PEDS1: variants seen among roughly 807,000 people sequenced by gnomAD.
PEDS1 encodes the protein CarF homolog.
In PEDS1, 14 loss-of-function variants were observed where a neutral mutation model predicts 35.2. The observed-to-expected ratio is 0.40, with a 90% confidence interval of 0.26 to 0.62. The LOEUF is 0.62. Among genes scored for constraint, PEDS1 ranks in the 20% least tolerant of loss-of-function variants. The pLI is 0.44. For synonymous variants in PEDS1, 152 were observed against 152.0 expected (o/e 1.00, Z 0.00); for missense variants, 260 against 367.8 (o/e 0.71, Z 2.40).
chr20:50,151,297 C>T (rs2081400177), intron 1 of PEDS1: 1 of 1,304,132 alleles, frequency 7.7e-7, no homozygotes, highest in Admixed American at 2.3e-5. Context: ...CATGGCTGTT[C>T]TTCAGAGAGT....
chr20:50,143,458 C>T (rs1431273581), intron 2 of PEDS1, 44 bp downstream of exon 2: 13 of 1,576,146 alleles, frequency 8.2e-6, no homozygotes, highest in Middle Eastern at 1.7e-4. Flanking sequence ...GGGTCCCTGG[C>T]CCCTAGGGAA....
chr20:50,124,798 C>T lies in PEDS1; in HGVS notation c.*260G>A. ...GGGAGTGGGTAAACCTCCTCTCTAC[C>T]AGGGGAGGCTGGCAGAGTCAGGCTT... On this transcript the variant is annotated 3_prime_UTR_variant, in exon 6 of 6. Transcript: ENST00000371652. 1 of 403,200 alleles carries T rather than the reference C, an allele frequency of 2.5e-6. No homozygotes were observed. Among genetic ancestry groups the T allele is most frequent in the Admixed American group, 3.7e-5 (1 of 27,162 alleles). 25.0% of individuals were successfully genotyped at this position (403,200 alleles called of 1,614,324 possible).
In PEDS1 at chr20:50,143,429, C is replaced by T. The variant is rs567194987; in HGVS notation, c.241+73G>A. On this transcript the variant is annotated intron_variant, in intron 2 of 5. Coordinates refer to ENST00000371652, the MANE Select transcript of PEDS1 (RefSeq NM_199129.4). ...ACACATCCATGCATGTGGACACACA[C>T]ACGCGCCAGTTACCCGGTGGGTCCC... The T allele has an allele frequency of 5.8e-6, 9 of 1,549,192 alleles. No individual in the cohort carries two copies. In the East Asian group the frequency reaches 1.7e-4, roughly 29 times the overall value.
At position 50,143,523 on chromosome 20, in the gene PEDS1, G is replaced by A. The variant is rs762131500; in HGVS notation, c.220C>T (p.Pro74Ser). 4 of 1,610,730 alleles carry A rather than the reference G, an allele frequency of 2.5e-6. No individual in the cohort carries two copies. The highest frequency in any genetic ancestry group is 1.6e-4 in the Middle Eastern group (1 of 6,080). ...TCACCAACACCGAGTATGACGAGGG[G>A]TGTGTCCTCCCAGCGGGCCAGCAGC... ...LLLLARWEDT[P>S]LVILGVVAGA... Residue 74 changes from proline to serine, a missense_variant, in exon 2 of 6, where the codon CCC becomes TCC. Around this residue, in one of 4 missense-constraint regions of PEDS1, gnomAD observed 114 missense variants for 121.6 expected, o/e 0.94. Coordinates refer to ENST00000371652, the MANE Select transcript of PEDS1 (RefSeq NM_199129.4).
chr20:50,125,879 CT>C (rs1236493769), intron 5 of PEDS1, among the ~76,000 whole-genome samples: 7 of 152,200 alleles, frequency 4.6e-5, no homozygotes. Flanking sequence ...GCATGAACCA[CT>C]GAGCCTGGCT....
intron 5 of PEDS1, among the ~76,000 whole-genome samples, chr20:50,125,914 G>C (rs2081098325): frequency 6.6e-6 from 1 of 152,048 alleles, no homozygotes; most frequent in South Asian, 2.1e-4. Flanking sequence ...TTTTAATGCA[G>C]ATGGGGTCTT....
At chr20:50,152,822 A>C (rs2147314092) in intron 1 of PEDS1, among the ~76,000 whole-genome samples, 1 of 151,716 alleles carries the variant, frequency 6.6e-6, no homozygotes, top group East Asian at 2.0e-4. Flanking sequence ...CCTGGGATCC[A>C]GGAATATGGG....
rs371332777 is a variant in PEDS1 at position 50,138,903 on chromosome 20, G to A, written c.241+4599C>T. Reference sequence around the variant, plus strand: ...ACCCTGACTCACGGGGGAACTTGAGGTAGTCGCTGGGCCCGTGCGGGCTTC... The same window carrying A: ...ACCCTGACTCACGGGGGAACTTGAGATAGTCGCTGGGCCCGTGCGGGCTTC... On this transcript the variant is annotated intron_variant, in intron 2 of 5. Coordinates refer to ENST00000371652, the MANE Select transcript of PEDS1 (RefSeq NM_199129.4). 5.9e-4 allele frequency among the ~76,000 whole-genome samples: 90 copies of A among 152,318 alleles called. 3 individuals are homozygous for A. In the South Asian group the frequency reaches 0.014, roughly 25 times the overall value.
chr20:50,152,339 C>G (rs995408955), intron 1 of PEDS1, among the ~76,000 whole-genome samples: 2 of 152,182 alleles, frequency 1.3e-5, no homozygotes, highest in Non-Finnish European at 2.9e-5. Context: ...CAGGCAAGGG[C>G]TGCATGTGGT....
chr20:50,151,713 G>C (rs751709106), intron 1 of PEDS1, among the ~76,000 whole-genome samples: 1 of 152,112 alleles, frequency 6.6e-6, no homozygotes, highest in Non-Finnish European at 1.5e-5. Flanking sequence ...CAGAAAATTA[G>C]CCGGGCATGG....
At chr20:50,153,147 G>C (rs553659053) in intron 1 of PEDS1, among the ~76,000 whole-genome samples, 3 of 151,864 alleles carry the variant, frequency 2.0e-5, no homozygotes, top group Non-Finnish European at 4.4e-5. Context: ...GGCAGCTTTG[G>C]GCTTGGACCG....
At chr20:50,145,656 AC>A (rs1427095756) in intron 1 of PEDS1, among the ~76,000 whole-genome samples, 3 of 151,910 alleles carry the variant, frequency 2.0e-5, no homozygotes, top group African/African-American at 7.3e-5. Context: ...ACGCCATTGC[AC>A]TCCAGCCTGG....
intron 1 of PEDS1, chr20:50,151,330 A>T (rs2038480627): frequency 7.7e-7 from 1 of 1,293,346 alleles, no homozygotes; most frequent in Non-Finnish European, 1.0e-6. Flanking sequence ...GGGAAACCAG[A>T]AATGGACAAA....
At chr20:50,127,862 C>T in intron 5 of PEDS1, 113 bp downstream of exon 5, 1 of 1,417,376 alleles carries the variant, frequency 7.1e-7, no homozygotes, top group Non-Finnish European at 9.6e-7. Flanking sequence ...AGAGACTGTT[C>T]CCAGAGGGCA....
chr20:50,125,016 G>C lies in PEDS1; in HGVS notation c.*42C>G, dbSNP rs2081084518. ...AATTTGGCAGATGGCTTCGGTTTGG[G>C]GGCTAGGGAAGGTTGGCAACCAGGT... On this transcript the variant is annotated 3_prime_UTR_variant, in exon 6 of 6. Transcript: ENST00000371652. 6.2e-7 allele frequency: 1 copy of C among 1,607,202 alleles called. No individual in the cohort carries two copies. Among genetic ancestry groups the C allele is most frequent in the African/African-American group, 1.3e-5 (1 of 74,846 alleles).
chr20:50,152,565 G>A (rs939741071), intron 1 of PEDS1, among the ~76,000 whole-genome samples: 7 of 152,136 alleles, frequency 4.6e-5, no homozygotes, highest in African/African-American at 1.4e-4. Context: ...GGGTGTAGGG[G>A]GGGTGCTTGC....
At chr20:50,150,050 G>A (rs904370725) in intron 1 of PEDS1, among the ~76,000 whole-genome samples, 6 of 152,194 alleles carry the variant, frequency 3.9e-5, no homozygotes, top group Non-Finnish European at 5.9e-5. Context: ...GGTGAGGGCA[G>A]ATGCGGGCCT....
Position 50,122,169 on chromosome 20 carries a change from A to G in PEDS1, c.*2889T>C, listed in dbSNP as rs911602995. On this transcript the variant is annotated 3_prime_UTR_variant, in exon 6 of 6. Coordinates refer to ENST00000371652, the MANE Select transcript of PEDS1 (RefSeq NM_199129.4). ...ACTCAAAGAGAAAAACAGAGCTTAG[A>G]GAGACCACGTTTTGATGAATCATGT... 2 of 152,232 alleles carry G rather than the reference A, an allele frequency of 1.3e-5. No individual in the cohort carries two copies. Among genetic ancestry groups the G allele is most frequent in the African/African-American group, 4.8e-5 (2 of 41,464 alleles). The allele number at this position is 152,232 out of a possible 1,614,324, so 9.4% of individuals were successfully genotyped here.
chr20:50,133,331 C>A (rs563689087), intron 2 of PEDS1, among the ~76,000 whole-genome samples: 1 of 152,260 alleles, frequency 6.6e-6, no homozygotes, highest in African/African-American at 2.4e-5. Flanking sequence ...CATGCAGGCA[C>A]CTGCAAGTTC....
Sources: gnomAD v4.1 joint callset for allele counts (sites outside exome capture counted in the v4.1 genomes callset) on GRCh38, gnomAD v4.1.1 for gene constraint, gnomAD v4.1.1 regional missense constraint, MANE v1.5 for transcripts, NCBI Gene and HGNC (gene_info 2026-07-23, HGNC 2026-07-21) for gene names.